The following ELMO1 variants were observed in gnomAD, a reference collection of about 807,000 sequenced individuals.
ELMO1 encodes engulfment and cell motility 1, also known as engulfment and cell motility protein 1.
A neutral mutation model predicts 98.9 loss-of-function variants in ELMO1; 26 were observed. The observed-to-expected ratio is 0.26, with a 90% CI of 0.19 to 0.36. The LOEUF is 0.36. Among genes scored for constraint, ELMO1 ranks in the 10% least tolerant of loss-of-function variants. ELMO1 has a pLI of 1.00. For missense variants in ELMO1, 627 were observed against 935.2 expected, an observed-to-expected ratio of 0.67 and a Z score of 4.30; for synonymous variants, 346 against 346.0, an observed-to-expected ratio of 1.00 and a Z score of 0.00.
At chr7:37,248,136 T>G (rs1293529413) in intron 6 of ELMO1, among the ~76,000 whole-genome samples, 1 of 150,322 alleles carries the variant, frequency 6.7e-6, no homozygotes, top group Non-Finnish European at 1.5e-5. Context: ...AGATTATGCA[T>G]AAGGAGAAGA....
chr7:36,887,539 G>C, intron 18 of ELMO1, 21 bp downstream of exon 18: 1 of 1,611,246 alleles, frequency 6.2e-7, no homozygotes, highest in African/African-American at 1.3e-5. Flanking sequence ...TCCAAGTTTG[G>C]AGTGTCCCCA....
intron 5 of ELMO1, among the ~76,000 whole-genome samples, chr7:37,260,344 T>C (rs1795915908): frequency 6.6e-6 from 1 of 152,100 alleles, no homozygotes; most frequent in African/African-American, 2.4e-5. Flanking sequence ...TAATGAGGTA[T>C]CTCTCCTCAA....
In ELMO1 at chr7:37,133,242, T is replaced by C; in HGVS notation, c.1087-8A>G. ...GGCAGGGTTGACATGATTCTGTGAG[T>C]AAAACAAAATCATGATAAGGTGAAT... On this transcript the variant is annotated splice_region_variant and splice_polypyrimidine_tract_variant and intron_variant, in intron 13 of 21. Coordinates refer to ENST00000310758, the MANE Select transcript of ELMO1 (RefSeq NM_014800.11). 6.3e-7 allele frequency: 1 copy of C among 1,597,132 alleles called. No individual in the cohort carries two copies. The highest frequency in any genetic ancestry group is 8.6e-7 in the Non-Finnish European group (1 of 1,169,236).
At chr7:36,968,722 T>C (rs914804950) in intron 16 of ELMO1, among the ~76,000 whole-genome samples, 1 of 152,210 alleles carries the variant, frequency 6.6e-6, no homozygotes, top group Admixed American at 6.5e-5. Flanking sequence ...TAGATTCATT[T>C]ATTGATTCTA....
chr7:37,405,233 GA>G lies in ELMO1; in HGVS notation c.-74+43441del, dbSNP rs528663986. 1.4e-3 allele frequency among the ~76,000 whole-genome samples: 213 copies of G among 152,224 alleles called. 1 individual carries two copies. Among genetic ancestry groups the G allele is most frequent in the African/African-American group, 5.0e-3 (209 of 41,548 alleles). On this transcript the variant is annotated intron_variant, in intron 1 of 21. Transcript: ENST00000310758. Reference sequence around the variant, plus strand: ...CAACAATGGGGAAAAAAAACCCTAAGAATTCCTCCAAAAAGGTCAGGCTTTA... The same window carrying G: ...CAACAATGGGGAAAAAAAACCCTAAGATTCCTCCAAAAAGGTCAGGCTTTA...
chr7:37,312,090 TTTG>T (rs537247804), intron 4 of ELMO1, among the ~76,000 whole-genome samples: 194 of 152,306 alleles, frequency 1.3e-3, no homozygotes, highest in African/African-American at 4.2e-3. Context: ...TACTTTGTTT[TTTG>T]TTGTTGTTTT....
At chr7:37,261,423 C>T (rs1181960182) in intron 5 of ELMO1, among the ~76,000 whole-genome samples, 1 of 152,236 alleles carries the variant, frequency 6.6e-6, no homozygotes, top group African/African-American at 2.4e-5. Flanking sequence ...AGACCAAGGG[C>T]CACCCCTAGA....
intron 16 of ELMO1, among the ~76,000 whole-genome samples, chr7:36,896,017 T>C (rs1034333521): frequency 6.6e-6 from 1 of 152,232 alleles, no homozygotes; most frequent in Non-Finnish European, 1.5e-5. Context: ...ATTAAGTGGC[T>C]GAACTGGGAC....
intron 1 of ELMO1, among the ~76,000 whole-genome samples, chr7:37,422,284 TATTC>T (rs1422177516): frequency 6.6e-6 from 1 of 152,248 alleles, no homozygotes; most frequent in East Asian, 1.9e-4. Context: ...GAGCCTGCGT[TATTC>T]ATCAAAGTCT....
At chr7:37,147,227 G>T (rs1788043038) in intron 13 of ELMO1, among the ~76,000 whole-genome samples, 1 of 152,170 alleles carries the variant, frequency 6.6e-6, no homozygotes, top group African/African-American at 2.4e-5. Context: ...GGTGCCTCAT[G>T]AAAGAAACAC....
intron 8 of ELMO1, among the ~76,000 whole-genome samples, chr7:37,232,550 T>C (rs1794232989): frequency 6.6e-6 from 1 of 152,204 alleles, no homozygotes; most frequent in Admixed American, 6.5e-5. Flanking sequence ...CTTCATTTGC[T>C]TCCTCCCAAA....
chr7:37,382,699 C>T (rs1325627284), intron 1 of ELMO1, among the ~76,000 whole-genome samples: 1 of 152,002 alleles, frequency 6.6e-6, no homozygotes, highest in Non-Finnish European at 1.5e-5. Context: ...AGTCTGCCAC[C>T]CTGGGAAGCC....
intron 15 of ELMO1, among the ~76,000 whole-genome samples, chr7:37,083,549 C>G (rs533389500): frequency 3.2e-4 from 49 of 152,332 alleles, no homozygotes; most frequent in African/African-American, 1.1e-3. Flanking sequence ...AAATGTGATT[C>G]ACACTTCTAA....
chr7:37,443,008 G>A (rs1426066218), intron 1 of ELMO1, among the ~76,000 whole-genome samples: 1 of 152,186 alleles, frequency 6.6e-6, no homozygotes, highest in Non-Finnish European at 1.5e-5. Context: ...AGCCACATCT[G>A]TAAAATGGGA....
At chr7:37,391,676 G>A (rs1348385959) in intron 1 of ELMO1, among the ~76,000 whole-genome samples, 1 of 152,150 alleles carries the variant, frequency 6.6e-6, no homozygotes, top group Non-Finnish European at 1.5e-5. Flanking sequence ...ACCCCAGTTG[G>A]GGGCCGACTT....
intron 10 of ELMO1, among the ~76,000 whole-genome samples, chr7:37,219,465 G>A (rs531028454): frequency 3.3e-5 from 5 of 152,268 alleles, no homozygotes; most frequent in African/African-American, 9.6e-5. Context: ...ACAAAGCAAT[G>A]GTTCTAAGGC....
chr7:37,436,683 T>C (rs1026670167), intron 1 of ELMO1, among the ~76,000 whole-genome samples: 7 of 152,188 alleles, frequency 4.6e-5, no homozygotes, highest in Admixed American at 1.3e-4. Flanking sequence ...GCTGCCTTTC[T>C]GAAGAAGCAA....
chr7:37,210,212 C>T (rs1792875632), intron 13 of ELMO1, among the ~76,000 whole-genome samples: 1 of 151,996 alleles, frequency 6.6e-6, no homozygotes. Context: ...ACAAATTTAT[C>T]CTAATAATGT....
At chr7:37,052,182 C>T (rs1461288088) in intron 15 of ELMO1, among the ~76,000 whole-genome samples, 3 of 152,174 alleles carry the variant, frequency 2.0e-5, no homozygotes, top group Non-Finnish European at 2.9e-5. Flanking sequence ...AGCACCTTTC[C>T]CTGCTAGCCC....
Sources: gnomAD v4.1 joint callset for allele counts (sites outside exome capture counted in the v4.1 genomes callset) on GRCh38, gnomAD v4.1.1 for gene constraint, MANE v1.5 for transcripts, NCBI Gene and HGNC (gene_info 2026-07-23, HGNC 2026-07-21) for gene names.